The following PRKCE variants were observed in gnomAD, a reference collection of about 807,000 sequenced individuals.
PRKCE encodes the protein protein kinase C epsilon type.
PRKCE carries 16 observed loss-of-function variants against 85.4 expected under a neutral mutation model. That is an observed-to-expected ratio of 0.19 (90% CI 0.13 to 0.28). PRKCE has a LOEUF of 0.28. Ranked by LOEUF, PRKCE falls within the 10% of genes least tolerant of loss-of-function variation. PRKCE has a pLI of 1.00. For missense variants in PRKCE, 573 were observed against 975.2 expected (o/e 0.59, Z 5.49); for synonymous variants, 388 against 371.5 (o/e 1.04, Z -0.51).
At chr2:45,934,773 GC>G (rs1228792491) in intron 2 of PRKCE, among the ~76,000 whole-genome samples, 1 of 151,966 alleles carries the variant, frequency 6.6e-6, no homozygotes, top group African/African-American at 2.4e-5. Context: ...CCACAATTGG[GC>G]TGGGCATGGT....
chr2:45,881,437 A>G (rs771045668), intron 2 of PRKCE, among the ~76,000 whole-genome samples: 11 of 152,200 alleles, frequency 7.2e-5, no homozygotes, highest in Non-Finnish European at 1.5e-4. Context: ...TTTTGGATAT[A>G]ATGGTACTTA....
At chr2:45,974,635 C>T (rs1054959555) in intron 2 of PRKCE, among the ~76,000 whole-genome samples, 3 of 152,198 alleles carry the variant, frequency 2.0e-5, no homozygotes, top group Non-Finnish European at 2.9e-5. Flanking sequence ...TTTACCTTCC[C>T]TCTACCCTAC....
chr2:45,800,159 C>T (rs1384591428), intron 1 of PRKCE, among the ~76,000 whole-genome samples: 2 of 152,202 alleles, frequency 1.3e-5, no homozygotes, highest in Non-Finnish European at 2.9e-5. Flanking sequence ...CGGCTGGATA[C>T]TTGATAGTGT....
chr2:45,800,422 C>T (rs1035996043), intron 1 of PRKCE, among the ~76,000 whole-genome samples: 7 of 152,224 alleles, frequency 4.6e-5, no homozygotes, highest in African/African-American at 9.6e-5. Flanking sequence ...GGCTTCTGGG[C>T]CAGGGCTGGA....
chr2:45,856,069 A>T lies in PRKCE; in HGVS notation c.412+13006A>T, dbSNP rs183275392. ...CTAAGCCTTTCTTTCTTTTAAAAAA[A>T]TTTTTTTAAAAAATTATAATCGATA... On this transcript the variant is annotated intron_variant, in intron 2 of 14. Transcript: ENST00000306156. 5.9e-3 allele frequency among the ~76,000 whole-genome samples: 900 copies of T among 152,128 alleles called. 11 individuals are homozygous for T. Among genetic ancestry groups the T allele is most frequent in the East Asian group, 0.018 (95 of 5,178 alleles).
At chr2:46,158,966 C>G (rs1055527504) in intron 13 of PRKCE, among the ~76,000 whole-genome samples, 4 of 152,168 alleles carry the variant, frequency 2.6e-5, no homozygotes, top group African/African-American at 4.8e-5. Flanking sequence ...CACCTACAAG[C>G]ATTGAAAAGG....
At chr2:46,009,717 A>T (rs1029870129) in intron 9 of PRKCE, among the ~76,000 whole-genome samples, 2 of 152,242 alleles carry the variant, frequency 1.3e-5, no homozygotes, top group African/African-American at 4.8e-5. Flanking sequence ...TGCAACTTAT[A>T]TAATACTTAA....
chr2:45,963,249 G>T lies in PRKCE; in HGVS notation c.413-13180G>T, dbSNP rs1409879095. ...TCCCTCTGCTTTCTGGGAACATGTG[G>T]GGTTCATTTAGGTAATTACCAGCTC... On this transcript the variant is annotated intron_variant, in intron 2 of 14. Transcript: ENST00000306156. Among the ~76,000 whole-genome samples, 3 of 152,258 alleles carry T rather than the reference G, an allele frequency of 2.0e-5. No individual in the cohort carries two copies. The East Asian group carries it at 5.8e-4, about 29-fold the overall frequency.
At position 46,058,353 on chromosome 2, in the gene PRKCE, G is replaced by T. The variant is rs376448026; in HGVS notation, c.1438-27855G>T. ...CTGGAAAGCTGGGACAGGACTGGCTGGGATCCAGATGCTCATTGTGTGGGG... is the reference window on the plus strand; with the variant it reads ...CTGGAAAGCTGGGACAGGACTGGCTTGGATCCAGATGCTCATTGTGTGGGG... On this transcript the variant is annotated intron_variant, in intron 10 of 14. Coordinates refer to ENST00000306156, the MANE Select transcript of PRKCE (RefSeq NM_005400.3). 7.4e-4 allele frequency among the ~76,000 whole-genome samples: 113 copies of T among 152,336 alleles called. 1 individual carries two copies. Among genetic ancestry groups the T allele is most frequent in the African/African-American group, 2.7e-3 (112 of 41,564 alleles).
chr2:45,700,164 AG>A lies in PRKCE; in HGVS notation c.348+47718del, dbSNP rs1678505280. 7.3e-5 allele frequency among the ~76,000 whole-genome samples: 11 copies of A among 149,958 alleles called. No individual in the cohort carries two copies. In the South Asian group the frequency reaches 2.4e-3, roughly 32 times the overall value. Reference sequence around the variant, plus strand: ...TTAAGTAGCAGAGGGCTAACATCTGAGGCCCTGCCGGGAGCCAGGGTCTCGG... The same window carrying A: ...TTAAGTAGCAGAGGGCTAACATCTGAGCCCTGCCGGGAGCCAGGGTCTCGG... On this transcript the variant is annotated intron_variant, in intron 1 of 14. Coordinates refer to ENST00000306156, the MANE Select transcript of PRKCE (RefSeq NM_005400.3).
chr2:46,099,666 T>G (rs1671028202), intron 11 of PRKCE, among the ~76,000 whole-genome samples: 1 of 152,180 alleles, frequency 6.6e-6, no homozygotes, highest in Non-Finnish European at 1.5e-5. Context: ...TTGCAACTAT[T>G]TCTTGGTTGA....
intron 2 of PRKCE, among the ~76,000 whole-genome samples, chr2:45,858,518 A>C (rs759599554): frequency 6.6e-6 from 1 of 152,042 alleles, no homozygotes; most frequent in Non-Finnish European, 1.5e-5. Context: ...ATCATGGGTC[A>C]TATGTCCCTA....
chr2:46,079,287 A>C (rs1668843172), intron 10 of PRKCE, among the ~76,000 whole-genome samples: 1 of 152,176 alleles, frequency 6.6e-6, no homozygotes, highest in African/African-American at 2.4e-5. Flanking sequence ...AGGGGGTGCT[A>C]AGATACAATC....
chr2:45,726,687 C>T (rs968758414), intron 1 of PRKCE, among the ~76,000 whole-genome samples: 2 of 152,052 alleles, frequency 1.3e-5, no homozygotes, highest in Non-Finnish European at 2.9e-5. Flanking sequence ...TGATGTATAC[C>T]TGTACTTTTG....
rs534960231 is a variant in PRKCE at position 46,062,368 on chromosome 2, G to A, written c.1438-23840G>A. 8.5e-5 allele frequency among the ~76,000 whole-genome samples: 13 copies of A among 152,260 alleles called. No individual in the cohort carries two copies. The South Asian group carries it at 2.7e-3, about 32-fold the overall frequency. ...GGTCATCCCTGTGGGTGCTCCCTGGGCAGATATGTCCTACTCAAATTAGTC... is the reference window on the plus strand; with the variant it reads ...GGTCATCCCTGTGGGTGCTCCCTGGACAGATATGTCCTACTCAAATTAGTC... On this transcript the variant is annotated intron_variant, in intron 10 of 14. Coordinates refer to ENST00000306156, the MANE Select transcript of PRKCE (RefSeq NM_005400.3).
At chr2:45,715,982 G>T (rs1301314337) in intron 1 of PRKCE, among the ~76,000 whole-genome samples, 1 of 152,106 alleles carries the variant, frequency 6.6e-6, no homozygotes, top group Non-Finnish European at 1.5e-5. Flanking sequence ...CCAGTGCTGG[G>T]CCCACATTCT....
intron 4 of PRKCE, among the ~76,000 whole-genome samples, chr2:45,979,884 G>A (rs1702747906): frequency 6.6e-6 from 1 of 152,194 alleles, no homozygotes; most frequent in South Asian, 2.1e-4. Context: ...ACCGCCTGCT[G>A]CAGTTCCCCC....
chr2:45,838,819 A>G (rs1033641645), intron 1 of PRKCE, among the ~76,000 whole-genome samples: 16 of 152,202 alleles, frequency 1.1e-4, no homozygotes, highest in Non-Finnish European at 1.8e-4. Flanking sequence ...CTGTAAAGTC[A>G]TCAAATGTCC....
intron 2 of PRKCE, among the ~76,000 whole-genome samples, chr2:45,852,631 T>C (rs1692365022): frequency 6.6e-6 from 1 of 152,200 alleles, no homozygotes; most frequent in African/African-American, 2.4e-5. Context: ...AGAGGGGTGA[T>C]ACTCAGGGCT....
Sources: allele counts gnomAD v4.1 joint callset (sites outside exome capture counted in the v4.1 genomes callset), GRCh38; gene constraint gnomAD v4.1.1; transcripts MANE v1.5; gene names NCBI Gene and HGNC (gene_info 2026-07-23, HGNC 2026-07-21).